AQP1: variants seen among roughly 807,000 people sequenced by gnomAD.
AQP1 encodes the protein aquaporin 1 (Colton blood group), also known as aquaporin-1.
In AQP1, 11 loss-of-function variants were observed where a neutral mutation model predicts 19.7. The observed-to-expected ratio is 0.56, with a 90% CI of 0.35 to 0.92. The LOEUF (loss-of-function observed/expected upper bound fraction) is 0.92. Among genes scored for constraint, AQP1 ranks in the 40% least tolerant of loss-of-function variants. The pLI, the probability that AQP1 is intolerant of heterozygous loss-of-function variation, is 0.01. For synonymous variants in AQP1, 159 were observed against 166.7 expected (o/e 0.95, Z 0.36); for missense variants, 320 against 369.7 (o/e 0.87, Z 1.10).
chr7:30,914,710 T>C (rs1791266360), intron 1 of AQP1, among the ~76,000 whole-genome samples: 1 of 152,228 alleles, frequency 6.6e-6, no homozygotes, highest in Non-Finnish European at 1.5e-5. Flanking sequence ...CTGCAGCCTC[T>C]CTGGCCCTGA....
Position 30,922,655 on chromosome 7 carries a change from C to T in AQP1, c.630+11C>T, listed in dbSNP as rs373502322. 1.2e-6 allele frequency: 2 copies of T among 1,612,672 alleles called. No homozygotes were observed. Among genetic ancestry groups the T allele is most frequent in the African/African-American group, 1.3e-5 (1 of 74,864 alleles). On this transcript the variant is annotated intron_variant, in intron 3 of 3. Coordinates refer to ENST00000311813, the MANE Select transcript of AQP1 (RefSeq NM_198098.4). ...TTCAGCAACCACTGGGTAGGAGACC[C>T]ACGGGGGGTGGGGTGGGAAGCTTTG...
chr7:30,918,739 C>T (rs935800027), intron 1 of AQP1, among the ~76,000 whole-genome samples: 1 of 152,210 alleles, frequency 6.6e-6, no homozygotes, highest in Non-Finnish European at 1.5e-5. Context: ...GCTTAGAGCA[C>T]ATTGCCTGGA....
At chr7:30,921,989 CTGGGTAT>C in intron 1 of AQP1, 70 bp from the exon 2 acceptor site, 1 of 1,601,748 alleles carries the variant, frequency 6.2e-7, no homozygotes, top group African/African-American at 1.3e-5. Flanking sequence ...CCTGGGAGGC[CTGGGTAT>C]CCTTGGGGTC....
chr7:30,918,550 T>TGGGCA (rs1405732741), intron 1 of AQP1, among the ~76,000 whole-genome samples: 1 of 152,034 alleles, frequency 6.6e-6, no homozygotes, highest in Non-Finnish European at 1.5e-5. Flanking sequence ...GGCACTGGGG[T>TGGGCA]GGGCAGGGCA....
chr7:30,919,250 C>T (rs1791434526), intron 1 of AQP1, among the ~76,000 whole-genome samples: 1 of 152,198 alleles, frequency 6.6e-6, no homozygotes. Flanking sequence ...CCCACATAGG[C>T]CGCAGGAAGA....
Position 30,912,318 on chromosome 7 carries a change from G to T in AQP1, c.384+25G>T, listed in dbSNP as rs370950952. The T allele has an allele frequency of 1.9e-6, 3 of 1,595,548 alleles. No individual in the cohort carries two copies. The highest frequency in any genetic ancestry group is 2.2e-5 in the South Asian group (2 of 90,802). ...CGTGAGTGGGGTGTCCCTGGGCTTG[G>T]GGGGGTTCTAGAATGATGCTGAAAG... On this transcript the variant is annotated intron_variant, in intron 1 of 3. Coordinates refer to ENST00000311813, the MANE Select transcript of AQP1 (RefSeq NM_198098.4). The surrounding 1 kb of genome is among the most constrained non-coding windows in gnomAD (Gnocchi z 4.3).
At chr7:30,919,763 A>G (rs1332300102) in intron 1 of AQP1, among the ~76,000 whole-genome samples, 1 of 152,218 alleles carries the variant, frequency 6.6e-6, no homozygotes, top group Non-Finnish European at 1.5e-5. Flanking sequence ...GAGTTTCAAC[A>G]GGCCTTTGAG....
At position 30,921,290 on chromosome 7, in the gene AQP1, G is replaced by A. The variant is rs923232363; in HGVS notation, c.385-776G>A. 5 of 1,292,414 alleles carry A rather than the reference G, an allele frequency of 3.9e-6. No homozygotes were observed. In the Admixed American group the frequency reaches 1.0e-4, roughly 27 times the overall value. 80.1% of individuals were successfully genotyped at this position (1,292,414 alleles called of 1,614,324 possible). The stretch of plus-strand genomic sequence containing the variant: ...CTTCCATTCCCTTCTCTTTCCATGA[G>A]TCATGTTTCTAAAAGTGGCCCAGGA... On this transcript the variant is annotated intron_variant, in intron 1 of 3. Coordinates refer to ENST00000311813, the MANE Select transcript of AQP1 (RefSeq NM_198098.4).
At chr7:30,921,896 T>C in intron 1 of AQP1, 170 bp from the exon 2 acceptor site, 1 of 1,527,684 alleles carries the variant, frequency 6.5e-7, no homozygotes, top group Non-Finnish European at 8.8e-7. Flanking sequence ...AGGCCTGATT[T>C]CCACTACCTG....
chr7:30,918,210 T>C (rs553740485), intron 1 of AQP1, among the ~76,000 whole-genome samples: 21 of 152,306 alleles, frequency 1.4e-4, no homozygotes, highest in Non-Finnish European at 2.9e-5. Context: ...GCCAGGATGG[T>C]CTCGATCTCC....
At position 30,923,551 on chromosome 7, in the gene AQP1, G is replaced by A. The variant is rs772541900; in HGVS notation, c.732G>A (p.Val244=). 1 of 1,614,046 alleles carries A rather than the reference G, an allele frequency of 6.2e-7. No homozygotes were observed. Among genetic ancestry groups the A allele is most frequent in the Admixed American group, 1.7e-5 (1 of 60,014 alleles). ...GTGACCTCACAGACCGCGTGAAGGTGTGGACCAGCGGCCAGGTGGAGGAGT... is the reference window on the plus strand; with the variant it reads ...GTGACCTCACAGACCGCGTGAAGGTATGGACCAGCGGCCAGGTGGAGGAGT... ...RSSDLTDRVK[V]WTSGQVEEYD... is the part of the protein sequence containing the mutation. Residue 244 remains valine, a synonymous_variant, in exon 4 of 4, where the codon GTG becomes GTA. Transcript: ENST00000311813. The surrounding 1 kb of genome is among the most constrained non-coding windows in gnomAD (Gnocchi z 4.8).
intron 1 of AQP1, among the ~76,000 whole-genome samples, chr7:30,913,749 A>T (rs925594671): frequency 6.6e-6 from 1 of 152,172 alleles, no homozygotes; most frequent in East Asian, 1.9e-4. Flanking sequence ...AAGATTGAAG[A>T]TTAGCTCCGT....
Position 30,925,020 on chromosome 7 carries a change from GC to G in AQP1, c.*1393del, listed in dbSNP as rs759806034. 4.6e-5 allele frequency: 7 copies of G among 152,220 alleles called. No individual in the cohort carries two copies. The highest frequency in any genetic ancestry group is 1.3e-4 in the Admixed American group (2 of 15,284). The allele number at this position is 152,220 out of a possible 1,614,324, so 9.4% of individuals were successfully genotyped here. ...CATAAGTCCTTTCAATTCCACCAGG[GC>G]CAGAGCAGCTCCACCACTGTGCACT... On this transcript the variant is annotated 3_prime_UTR_variant, in exon 4 of 4. Transcript: ENST00000311813.
Position 30,923,552 on chromosome 7 carries a change from T to A in AQP1, c.733T>A (p.Trp245Arg). ...SSDLTDRVKV[W>R]TSGQVEEYDL... ...TGACCTCACAGACCGCGTGAAGGTG[T>A]GGACCAGCGGCCAGGTGGAGGAGTA... The change falls in exon 4 of 4, where the codon TGG becomes AGG. Residue 245 changes from tryptophan to arginine, a missense_variant. Coordinates refer to ENST00000311813, the MANE Select transcript of AQP1 (RefSeq NM_198098.4). This position sits in a 1 kb window ranked among gnomAD's most constrained non-coding sequence, Gnocchi z 4.8. 6.2e-7 allele frequency: 1 copy of A among 1,614,060 alleles called. No homozygotes were observed. The highest frequency in any genetic ancestry group is 8.5e-7 in the Non-Finnish European group (1 of 1,180,008).
chr7:30,916,831 A>C (rs1189709873), intron 1 of AQP1, among the ~76,000 whole-genome samples: 2 of 151,712 alleles, frequency 1.3e-5, no homozygotes, highest in Non-Finnish European at 2.9e-5. Context: ...TAAGTCAATA[A>C]GCTCCCTGCC....
chr7:30,914,895 A>T (rs929441192), intron 1 of AQP1, among the ~76,000 whole-genome samples: 3 of 152,190 alleles, frequency 2.0e-5, no homozygotes, highest in African/African-American at 7.2e-5. Context: ...CCCTAGAGAG[A>T]CCGTGGGCCT....
rs1381040069 is a variant in AQP1 at position 30,923,885 on chromosome 7, TGAAA to T, written c.*262_*265del. ...CACTCCCTTGAAGTTGTGGAGGAGG[TGAAA>T]GAAAGGGACCCACCTGCTAGTCGCC... On this transcript the variant is annotated 3_prime_UTR_variant, in exon 4 of 4. Transcript: ENST00000311813. This position sits in a 1 kb window ranked among gnomAD's most constrained non-coding sequence, Gnocchi z 4.8. The T allele has an allele frequency of 1.3e-6, 2 of 1,489,392 alleles. No homozygotes were observed. The highest frequency in any genetic ancestry group is 2.8e-5 in the East Asian group (1 of 35,626). The allele number at this position is 1,489,392 out of a possible 1,614,324, so 92.3% of individuals were successfully genotyped here. A position where few individuals can be genotyped will look rare whatever the true frequency, so the allele number is the denominator to read the frequency against.
chr7:30,916,458 C>G (rs1271749868), intron 1 of AQP1, among the ~76,000 whole-genome samples: 1 of 152,236 alleles, frequency 6.6e-6, no homozygotes, highest in Non-Finnish European at 1.5e-5. Flanking sequence ...GCCCTCACAC[C>G]GGGAGGTGAA....
chr7:30,912,381 A>C lies in AQP1; in HGVS notation c.384+88A>C. ...TCCTCTGCCCATTGTGCAGATGGGG[A>C]CACTGAGGAACGGAGAGGACAAGAG... is the stretch of plus-strand genomic sequence containing the variant. On this transcript the variant is annotated intron_variant, in intron 1 of 3. Transcript: ENST00000311813. The surrounding 1 kb of genome is among the most constrained non-coding windows in gnomAD (Gnocchi z 4.3). 2 of 1,535,768 alleles carry C rather than the reference A, an allele frequency of 1.3e-6. No individual in the cohort carries two copies. The highest frequency in any genetic ancestry group is 1.8e-6 in the Non-Finnish European group (2 of 1,138,900).
Sources: allele counts gnomAD v4.1 joint callset (sites outside exome capture counted in the v4.1 genomes callset), GRCh38; gene constraint gnomAD v4.1.1; non-coding constraint Gnocchi (gnomAD v3.1); transcripts MANE v1.5; gene names NCBI Gene and HGNC (gene_info 2026-07-23, HGNC 2026-07-21).